Variants in MAP7 observed in about 807,000 individuals in gnomAD.
The protein encoded by MAP7 is ensconsin.
Under a neutral mutation model 94.8 loss-of-function variants are expected in MAP7, and 52 were observed. That is an observed-to-expected ratio of 0.55 (90% CI 0.44 to 0.69). The LOEUF (loss-of-function observed/expected upper bound fraction) is 0.69, where lower values mean the gene tolerates loss of function less well. Ranked by LOEUF, MAP7 falls within the 30% of genes least tolerant of loss-of-function variation. MAP7 has a pLI of 0.00. For synonymous variants in MAP7, 350 were observed against 357.0 expected (o/e 0.98, Z 0.22); for missense variants, 940 against 964.6 (o/e 0.97, Z 0.34).
chr6:136,426,683 G>A (rs1266323766), intron 1 of MAP7, among the ~76,000 whole-genome samples: 3 of 152,224 alleles, frequency 2.0e-5, no homozygotes, highest in East Asian at 1.9e-4. Context: ...CAAAGAGGCA[G>A]GAGAGACAAT....
At chr6:136,544,376 G>A (rs765223850) in intron 1 of MAP7, among the ~76,000 whole-genome samples, 5 of 152,180 alleles carry the variant, frequency 3.3e-5, no homozygotes, top group Non-Finnish European at 7.3e-5. Flanking sequence ...CTAATCTGAT[G>A]TAGCCCCAAC....
At chr6:136,448,984 G>C (rs1800200092) in intron 1 of MAP7, among the ~76,000 whole-genome samples, 1 of 144,494 alleles carries the variant, frequency 6.9e-6, no homozygotes, top group Non-Finnish European at 1.5e-5. Flanking sequence ...CCAGGTACTG[G>C]GGACACAACA....
At chr6:136,409,706 T>G (rs978288288) in intron 3 of MAP7, among the ~76,000 whole-genome samples, 2 of 152,236 alleles carry the variant, frequency 1.3e-5, no homozygotes, top group African/African-American at 4.8e-5. Context: ...CCCTGGCGCA[T>G]ACCCACTCAC....
At chr6:136,480,643 A>G (rs1253466663) in intron 1 of MAP7, among the ~76,000 whole-genome samples, 1 of 139,512 alleles carries the variant, frequency 7.2e-6, no homozygotes, top group Non-Finnish European at 1.5e-5. Flanking sequence ...CTCTGCCTCA[A>G]AAAAAAAAAA....
chr6:136,494,148 C>T lies in MAP7; in HGVS notation c.67+56194G>A, dbSNP rs572892747. Among the ~76,000 whole-genome samples, 5 of 152,262 alleles carry T rather than the reference C, an allele frequency of 3.3e-5. 1 individual carries two copies. The South Asian group carries it at 1.0e-3, about 32-fold the overall frequency. On this transcript the variant is annotated intron_variant, in intron 1 of 17. Coordinates refer to ENST00000354570, the MANE Select transcript of MAP7 (RefSeq NM_003980.6). ...ATTGCAACGAATTAGTAGAACCAAG[C>T]GTGCTGAGTTGTGTGCCTTCAGTCT...
chr6:136,409,899 C>T (rs1302171941), intron 3 of MAP7, among the ~76,000 whole-genome samples: 2 of 152,072 alleles, frequency 1.3e-5, no homozygotes, highest in Non-Finnish European at 2.9e-5. Context: ...CCTGTGTTAT[C>T]AATATGAATT....
intron 2 of MAP7, among the ~76,000 whole-genome samples, chr6:136,421,213 G>A (rs1791233644): frequency 6.6e-6 from 1 of 152,160 alleles, no homozygotes; most frequent in Non-Finnish European, 1.5e-5. Context: ...CAAGGAATAG[G>A]AAACAAAACC....
At chr6:136,490,197 CATTATT>C (rs1816138845) in intron 1 of MAP7, among the ~76,000 whole-genome samples, 1 of 152,120 alleles carries the variant, frequency 6.6e-6, no homozygotes, top group Non-Finnish European at 1.5e-5. Flanking sequence ...AATAGAAAAT[CATTATT>C]ATAAGATTCA....
intron 3 of MAP7, among the ~76,000 whole-genome samples, chr6:136,403,306 A>G (rs1459848917): frequency 6.6e-6 from 1 of 152,216 alleles, no homozygotes; most frequent in Non-Finnish European, 1.5e-5. Flanking sequence ...CTCTTGCTTC[A>G]TGCTGACGCA....
chr6:136,471,968 C>G (rs1325771638), intron 1 of MAP7, among the ~76,000 whole-genome samples: 3 of 151,998 alleles, frequency 2.0e-5, no homozygotes, highest in Non-Finnish European at 4.4e-5. Context: ...AGCGAAAGTT[C>G]TTATGGAACA....
At chr6:136,417,249 T>TTGCA (rs1284268732) in intron 2 of MAP7, among the ~76,000 whole-genome samples, 12 of 152,210 alleles carry the variant, frequency 7.9e-5, no homozygotes, top group African/African-American at 2.7e-4. Context: ...TTAATTAAGA[T>TTGCA]TGCAGTTGCA....
intron 7 of MAP7, among the ~76,000 whole-genome samples, chr6:136,373,989 T>A (rs2128610536): frequency 6.6e-6 from 1 of 152,352 alleles, no homozygotes; most frequent in Admixed American, 6.5e-5. Context: ...TGAGACAGGA[T>A]CTCACTCTGT....
At position 136,407,097 on chromosome 6, in the gene MAP7, C is replaced by A. The variant is rs186523493; in HGVS notation, c.244+4523G>T. 2.0e-5 allele frequency among the ~76,000 whole-genome samples: 3 copies of A among 152,296 alleles called. No individual in the cohort carries two copies. In the East Asian group the frequency reaches 5.8e-4, roughly 29 times the overall value. ...GTGAAGTGTTTAGAACACTGCCTGG[C>A]CCATAGTTAGTGCTCAATAAATACT... is the stretch of plus-strand genomic sequence containing the variant. On this transcript the variant is annotated intron_variant, in intron 3 of 17. Transcript: ENST00000354570.
chr6:136,471,583 C>A (rs1457348414), intron 1 of MAP7, among the ~76,000 whole-genome samples: 11 of 151,798 alleles, frequency 7.2e-5, no homozygotes, highest in Non-Finnish European at 1.2e-4. Context: ...TTATATAGTA[C>A]CTTGGACAGT....
intron 1 of MAP7, among the ~76,000 whole-genome samples, chr6:136,463,548 C>T (rs1480180766): frequency 1.3e-5 from 2 of 152,092 alleles, no homozygotes; most frequent in African/African-American, 4.8e-5. Context: ...TCCACCTTAA[C>T]TAGTGATATT....
At chr6:136,373,200 C>T (rs540681706) in intron 7 of MAP7, among the ~76,000 whole-genome samples, 1 of 152,244 alleles carries the variant, frequency 6.6e-6, no homozygotes, top group South Asian at 2.1e-4. Flanking sequence ...ACAAGTCTTA[C>T]CAGGTGTTAA....
chr6:136,477,544 A>G (rs1355403143), intron 1 of MAP7, among the ~76,000 whole-genome samples: 1 of 152,226 alleles, frequency 6.6e-6, no homozygotes, highest in Non-Finnish European at 1.5e-5. Context: ...CTTCAAGGCA[A>G]AAACTATAAA....
intron 1 of MAP7, among the ~76,000 whole-genome samples, chr6:136,544,265 A>G (rs1177908753): frequency 6.6e-6 from 1 of 152,156 alleles, no homozygotes; most frequent in African/African-American, 2.4e-5. Context: ...CCCTCTGCCT[A>G]TTCAAGGATT....
intron 1 of MAP7, chr6:136,466,868 CA>C (rs1300812317): frequency 6.5e-7 from 1 of 1,529,316 alleles, no homozygotes; most frequent in African/African-American, 1.4e-5. Flanking sequence ...AGGCAAAGAC[CA>C]AATATCAGTG....
Sources: gnomAD v4.1 joint callset for allele counts (sites outside exome capture counted in the v4.1 genomes callset) on GRCh38, gnomAD v4.1.1 for gene constraint, MANE v1.5 for transcripts, NCBI Gene and HGNC (gene_info 2026-07-23, HGNC 2026-07-21) for gene names.